The following LRRK2 variants were observed in gnomAD, a reference collection of about 807,000 sequenced individuals.
LRRK2 encodes the protein leucine-rich repeat serine/threonine-protein kinase 2.
In LRRK2, 203 loss-of-function variants were observed where a neutral mutation model predicts 302.6. The observed-to-expected ratio is 0.67, with a 90% confidence interval of 0.60 to 0.75. The LOEUF is 0.75. Among genes scored for constraint, LRRK2 ranks in the 30% least tolerant of loss-of-function variants. LRRK2 has a pLI of 0.00. For synonymous variants in LRRK2, 1,066 were observed against 1,031.9 expected (o/e 1.03, Z -0.63); for missense variants, 2,830 against 2,951.0 (o/e 0.96, Z 0.95).
intron 14 of LRRK2, among the ~76,000 whole-genome samples, chr12:40,273,591 T>A (rs1785289753): frequency 6.6e-6 from 1 of 152,188 alleles, no homozygotes; most frequent in African/African-American, 2.4e-5. Flanking sequence ...ACGTCTGGCT[T>A]GAAGCTATTT....
At chr12:40,285,837 T>C (rs2136667069) in intron 19 of LRRK2, among the ~76,000 whole-genome samples, 1 of 152,196 alleles carries the variant, frequency 6.6e-6, no homozygotes, top group South Asian at 2.1e-4. Flanking sequence ...ACAGTGTTTT[T>C]ACTATGCTAA....
intron 48 of LRRK2, 148 bp from the exon 49 acceptor site, chr12:40,364,694 C>T: frequency 1.5e-6 from 1 of 681,492 alleles, no homozygotes. Flanking sequence ...CTGTATTTAG[C>T]AAAATTTGCT....
chr12:40,255,234 A>T (rs1035246157), intron 11 of LRRK2, among the ~76,000 whole-genome samples: 6 of 152,190 alleles, frequency 3.9e-5, no homozygotes, highest in Admixed American at 1.3e-4. Context: ...AGTTAAGAAT[A>T]AAAAATGAAG....
intron 43 of LRRK2, 108 bp downstream of exon 43, chr12:40,348,617 G>A (rs967302838): frequency 5.1e-6 from 4 of 776,774 alleles, no homozygotes; most frequent in Non-Finnish European, 8.4e-6. Flanking sequence ...CACAGAGACA[G>A]AATTAAAAAT....
intron 32 of LRRK2, 83 bp from the exon 33 acceptor site, chr12:40,315,129 G>A: frequency 8.9e-7 from 1 of 1,117,482 alleles, no homozygotes; most frequent in Non-Finnish European, 1.4e-6. Flanking sequence ...GCAAAATGAG[G>A]AAGTTGGACT....
intron 39 of LRRK2, among the ~76,000 whole-genome samples, chr12:40,329,307 T>C (rs1414135607): frequency 6.6e-6 from 1 of 152,238 alleles, no homozygotes; most frequent in African/African-American, 2.4e-5. Context: ...TTTTGTTTTT[T>C]TAGTATACCA....
chr12:40,285,480 G>C (rs1286272153), intron 19 of LRRK2, among the ~76,000 whole-genome samples: 1 of 151,864 alleles, frequency 6.6e-6, no homozygotes, highest in Non-Finnish European at 1.5e-5. Context: ...TTCATATATT[G>C]ATATGAATTT....
At chr12:40,251,686 G>C (rs1051726518) in intron 10 of LRRK2, 142 bp downstream of exon 10, 1 of 698,432 alleles carries the variant, frequency 1.4e-6, no homozygotes, top group Non-Finnish European at 2.4e-6. Flanking sequence ...CAAAATAGTA[G>C]TAGGTATGTA....
At chr12:40,309,012 A>G in intron 29 of LRRK2, 94 bp from the exon 30 acceptor site, 1 of 1,346,806 alleles carries the variant, frequency 7.4e-7, no homozygotes, top group Non-Finnish European at 1.0e-6. Context: ...ATGCTAAATA[A>G]TAAATAGTAT....
intron 43 of LRRK2, 106 bp downstream of exon 43, chr12:40,348,615 C>A: frequency 1.3e-6 from 1 of 781,554 alleles, no homozygotes; most frequent in Admixed American, 2.4e-5. Context: ...CACACAGAGA[C>A]AGAATTAAAA....
chr12:40,226,804 T>TA (rs1205806420), intron 2 of LRRK2, among the ~76,000 whole-genome samples: 1 of 152,156 alleles, frequency 6.6e-6, no homozygotes, highest in African/African-American at 2.4e-5. Flanking sequence ...GGCACTGGCC[T>TA]ATTGTGCTTC....
chr12:40,323,053 A>G, intron 37 of LRRK2, 107 bp from the exon 38 acceptor site: 1 of 917,150 alleles, frequency 1.1e-6, no homozygotes, highest in Non-Finnish European at 1.7e-6. Flanking sequence ...AAAGGGAGGG[A>G]TTAGAAATTA....
intron 8 of LRRK2, among the ~76,000 whole-genome samples, chr12:40,250,681 C>A (rs1355490470): frequency 1.3e-5 from 2 of 152,236 alleles, no homozygotes; most frequent in East Asian, 3.9e-4. Context: ...CTAACAGGCC[C>A]CAGTGTGTAT....
At chr12:40,298,118 G>C in intron 23 of LRRK2, 125 bp from the exon 24 acceptor site, 1 of 929,402 alleles carries the variant, frequency 1.1e-6, no homozygotes, top group East Asian at 2.6e-5. Context: ...GTTGTGGATT[G>C]TGTTTTCAAC....
chr12:40,268,903 G>T (rs1203223188), intron 14 of LRRK2, among the ~76,000 whole-genome samples: 1 of 152,124 alleles, frequency 6.6e-6, no homozygotes, highest in African/African-American at 2.4e-5. Context: ...AGTTACTTGT[G>T]TTGGAACAAC....
At chr12:40,254,012 GA>G (rs923765125) in intron 11 of LRRK2, among the ~76,000 whole-genome samples, 6 of 152,070 alleles carry the variant, frequency 3.9e-5, no homozygotes, top group African/African-American at 1.4e-4. Flanking sequence ...GTATAATTAT[GA>G]AGAGAAAAAT....
chr12:40,278,481 T>C (rs1378228109), intron 18 of LRRK2, among the ~76,000 whole-genome samples: 2 of 152,244 alleles, frequency 1.3e-5, no homozygotes, highest in African/African-American at 2.4e-5. Context: ...ATCTGTTTAC[T>C]TATCTTGTTA....
chr12:40,252,845 C>T (rs1037788161), intron 10 of LRRK2, 65 bp from the exon 11 acceptor site: 11 of 1,034,228 alleles, frequency 1.1e-5, no homozygotes, highest in Non-Finnish European at 1.7e-5. Context: ...TTGATAATGG[C>T]AAGTGAGAAT....
chr12:40,328,903 C>T (rs898968401), intron 39 of LRRK2, among the ~76,000 whole-genome samples: 1 of 152,208 alleles, frequency 6.6e-6, no homozygotes, highest in African/African-American at 2.4e-5. Context: ...GACCTTGAAG[C>T]CTAGCAAGCT....
Sources: gnomAD v4.1 joint callset for allele counts (sites outside exome capture counted in the v4.1 genomes callset) on GRCh38, gnomAD v4.1.1 for gene constraint, MANE v1.5 for transcripts, NCBI Gene and HGNC (gene_info 2026-07-23, HGNC 2026-07-21) for gene names.